TAAR5: variants seen among roughly 807,000 people sequenced by gnomAD.
TAAR5 encodes the protein trace amine associated receptor 5.
In TAAR5, 27 loss-of-function variants were observed where a neutral mutation model predicts 21.1. The observed-to-expected ratio is 1.28, with a 90% CI of 0.94 to 1.76. The LOEUF (loss-of-function observed/expected upper bound fraction) is 1.76, where lower values mean the gene tolerates loss of function less well. Among genes scored for constraint, TAAR5 ranks in the 40% most tolerant of loss-of-function variants. TAAR5 has a pLI of 0.00. For missense variants in TAAR5, 495 were observed against 405.6 expected (o/e 1.22, Z -1.89); for synonymous variants, 203 against 167.5 (o/e 1.21, Z -1.64).
chr6:132,602,818 A>G, the TAAR5 span, among the ~76,000 whole-genome samples: 5 of 149,898 alleles, frequency 3.3e-5, 1 homozygote, highest in Admixed American at 3.3e-4. Flanking sequence ...AAAAATAAAT[A>G]CTGATCAGAA....
the TAAR5 span, among the ~76,000 whole-genome samples, chr6:132,599,701 T>A: frequency 6.6e-6 from 1 of 152,324 alleles, no homozygotes; most frequent in East Asian, 1.9e-4. Flanking sequence ...AACTTTATTA[T>A]GTCCTCTGTG....
At chr6:132,607,815 G>T in the TAAR5 span, among the ~76,000 whole-genome samples, 1 of 152,126 alleles carries the variant, frequency 6.6e-6, no homozygotes, top group African/African-American at 2.4e-5. Context: ...CAACCTTAAG[G>T]TACACTTCCT....
upstream of TAAR5, among the ~76,000 whole-genome samples, chr6:132,593,682 C>T (rs115234363): frequency 2.0e-3 from 311 of 152,254 alleles, 1 homozygote; most frequent in African/African-American, 6.4e-3. Flanking sequence ...AAGACATGGA[C>T]GCATCCCCAC....
chr6:132,607,796 A>C, the TAAR5 span, among the ~76,000 whole-genome samples: 5 of 152,184 alleles, frequency 3.3e-5, no homozygotes, highest in African/African-American at 4.8e-5. Flanking sequence ...GCTAGTTGTT[A>C]ATAGAGGTCA....
chr6:132,612,221 C>A, the TAAR5 span, among the ~76,000 whole-genome samples: 21 of 152,106 alleles, frequency 1.4e-4, no homozygotes. Context: ...CTTGTCTATC[C>A]ATCACCACTG....
the TAAR5 span, among the ~76,000 whole-genome samples, chr6:132,610,732 T>C: frequency 6.6e-6 from 1 of 152,176 alleles, no homozygotes; most frequent in African/African-American, 2.4e-5. Flanking sequence ...CTTGTTTCTC[T>C]AGGTTAAAAG....
the TAAR5 span, among the ~76,000 whole-genome samples, chr6:132,597,589 TA>T: frequency 6.6e-6 from 1 of 152,168 alleles, no homozygotes; most frequent in Admixed American, 6.5e-5. Flanking sequence ...CAAAATAAAA[TA>T]AAGTTAAGCC....
the TAAR5 span, among the ~76,000 whole-genome samples, chr6:132,610,082 A>G: frequency 6.6e-6 from 1 of 152,154 alleles, no homozygotes; most frequent in Non-Finnish European, 1.5e-5. Context: ...TACAAATTCC[A>G]CACTCACAGA....
the TAAR5 span, among the ~76,000 whole-genome samples, chr6:132,603,635 A>G: frequency 6.6e-6 from 1 of 152,130 alleles, no homozygotes; most frequent in Non-Finnish European, 1.5e-5. Context: ...TAACTTTGTG[A>G]TTACCACTTA....
the TAAR5 span, among the ~76,000 whole-genome samples, chr6:132,607,791 T>C: frequency 6.6e-6 from 1 of 152,188 alleles, no homozygotes; most frequent in Non-Finnish European, 1.5e-5. Flanking sequence ...AGGCCGCTAG[T>C]TGTTAATAGA....
At chr6:132,612,401 G>A in the TAAR5 span, among the ~76,000 whole-genome samples, 6,639 of 152,194 alleles carry the variant, frequency 0.044, 259 homozygotes, top group African/African-American at 0.093. Context: ...GAATGGACTC[G>A]TTTCAGGAGC....
chr6:132,616,324 T>C, the TAAR5 span, among the ~76,000 whole-genome samples: 1 of 152,160 alleles, frequency 6.6e-6, no homozygotes, highest in Non-Finnish European at 1.5e-5. Context: ...AAAAAATACA[T>C]GTATAAATAT....
the TAAR5 span, chr6:132,608,771 C>T: frequency 1.3e-5 from 6 of 455,794 alleles, no homozygotes; most frequent in African/African-American, 8.0e-5. Context: ...ACATCGGCCT[C>T]AGATAGAACT....
the TAAR5 span, among the ~76,000 whole-genome samples, chr6:132,603,294 C>A: frequency 2.3e-5 from 3 of 129,330 alleles, no homozygotes; most frequent in African/African-American, 9.2e-5. Context: ...CAGAGTAAGA[C>A]CCTATCTCAA....
chr6:132,605,544 G>T, the TAAR5 span, among the ~76,000 whole-genome samples: 11 of 152,054 alleles, frequency 7.2e-5, no homozygotes, highest in Admixed American at 7.2e-4. Flanking sequence ...AGCTGTCCCT[G>T]TACTGCTCCC....
At chr6:132,611,574 T>C in the TAAR5 span, among the ~76,000 whole-genome samples, 1 of 152,170 alleles carries the variant, frequency 6.6e-6, no homozygotes, top group Non-Finnish European at 1.5e-5. Flanking sequence ...CTATTATGTA[T>C]CCATAGTAAT....
At chr6:132,598,308 C>A in the TAAR5 span, among the ~76,000 whole-genome samples, 6 of 152,234 alleles carry the variant, frequency 3.9e-5, 1 homozygote, top group South Asian at 6.2e-4. Flanking sequence ...GAAAATGACC[C>A]AGATTTATTT....
the TAAR5 span, among the ~76,000 whole-genome samples, chr6:132,600,217 G>T: frequency 0.15 from 23,085 of 152,086 alleles, 2,308 homozygotes; most frequent in African/African-American, 0.28. Context: ...ATTATTATTA[G>T]TAGTAGTATT....
the TAAR5 span, among the ~76,000 whole-genome samples, chr6:132,611,010 G>A: frequency 2.0e-5 from 3 of 152,204 alleles, no homozygotes; most frequent in Non-Finnish European, 4.4e-5. Context: ...TAAAGTTTGG[G>A]ACTCAATGCG....
Sources: allele counts gnomAD v4.1 joint callset (sites outside exome capture counted in the v4.1 genomes callset), GRCh38; gene constraint gnomAD v4.1.1; transcripts MANE v1.5; gene names NCBI Gene and HGNC (gene_info 2026-07-23, HGNC 2026-07-21).